The following CRCP variants were observed in gnomAD, a reference collection of about 807,000 sequenced individuals.
CRCP encodes the protein CGRP receptor component, also known as DNA-directed RNA polymerase III subunit RPC9.
Under a neutral mutation model 18.5 loss-of-function variants are expected in CRCP, and 18 were observed. The ratio of observed to expected loss-of-function variants is 0.97; its 90% CI spans 0.67 to 1.44. The LOEUF is 1.44. CRCP is among the 40% of genes most tolerant of loss of function. The pLI is 0.00. For missense variants in CRCP, 130 were observed against 176.4 expected (o/e 0.74, Z 1.49); for synonymous variants, 53 against 62.9 (o/e 0.84, Z 0.75).
intron 3 of CRCP, among the ~76,000 whole-genome samples, chr7:66,132,327 C>G (rs1238348181): frequency 6.6e-6 from 1 of 152,172 alleles, no homozygotes; most frequent in Non-Finnish European, 1.5e-5. Flanking sequence ...CAATCTATAT[C>G]CTTACTCTTC....
chr7:66,133,209 A>G (rs1257216534), intron 3 of CRCP, among the ~76,000 whole-genome samples: 1 of 151,874 alleles, frequency 6.6e-6, no homozygotes, highest in Non-Finnish European at 1.5e-5. Context: ...TGATTTAAAA[A>G]TTTTTCTCAT....
At chr7:66,146,803 T>C (rs1446246360) in intron 5 of CRCP, among the ~76,000 whole-genome samples, 1 of 152,172 alleles carries the variant, frequency 6.6e-6, no homozygotes, top group East Asian at 1.9e-4. Flanking sequence ...TTTCATGCTT[T>C]ACACTGTATT....
Position 66,134,315 on chromosome 7 carries a change from C to T in CRCP, c.180C>T (p.His60=). The change falls in exon 4 of 6, where the codon CAC becomes CAT. Residue 60 remains histidine (H), a synonymous_variant. Transcript: ENST00000395326. ...LKYISKTPCR[H]QSPEIVREFL... ...ACATATCAAAAACACCATGCAGGCA[C>T]CAGAGTCCTGAAATTGTCAGAGAAT... 6.2e-7 allele frequency: 1 copy of T among 1,609,948 alleles called. No individual in the cohort carries two copies.
chr7:66,128,541 C>G (rs1787686653), intron 2 of CRCP: 1 of 152,156 alleles, frequency 6.6e-6, no homozygotes, highest in African/African-American at 2.4e-5. Flanking sequence ...CCCATAATCC[C>G]AGCACTTTGG....
intron 1 of CRCP, among the ~76,000 whole-genome samples, chr7:66,119,143 T>G (rs1329468447): frequency 1.3e-5 from 2 of 152,186 alleles, no homozygotes; most frequent in Non-Finnish European, 2.9e-5. Flanking sequence ...AGTCTTAGTA[T>G]TAGATCACAC....
chr7:66,127,406 T>G (rs1230812860), intron 1 of CRCP, among the ~76,000 whole-genome samples: 1 of 152,176 alleles, frequency 6.6e-6, no homozygotes, highest in Non-Finnish European at 1.5e-5. Context: ...CCATTTCTGT[T>G]GATTCAGCAG....
chr7:66,150,182 G>A (rs991525577), intron 5 of CRCP, among the ~76,000 whole-genome samples: 1 of 151,478 alleles, frequency 6.6e-6, no homozygotes, highest in Non-Finnish European at 1.5e-5. Context: ...TTGGGAGGCC[G>A]AGGTGAGTGG....
At chr7:66,129,960 A>C (rs1377718129) in intron 2 of CRCP, among the ~76,000 whole-genome samples, 1 of 152,000 alleles carries the variant, frequency 6.6e-6, no homozygotes, top group African/African-American at 2.4e-5. Context: ...CCTTGTGGGA[A>C]AGTTTGCTTC....
chr7:66,131,348 A>G (rs964745108), intron 3 of CRCP, among the ~76,000 whole-genome samples: 3 of 152,176 alleles, frequency 2.0e-5, no homozygotes, highest in Admixed American at 2.0e-4. Context: ...GCCAGCTACA[A>G]AGTTAGAAGG....
chr7:66,127,257 G>T (rs1584070174), intron 1 of CRCP, among the ~76,000 whole-genome samples: 4 of 152,340 alleles, frequency 2.6e-5, no homozygotes, highest in Admixed American at 2.6e-4. Flanking sequence ...AGGGAACCAG[G>T]CTTTTGGCCA....
In CRCP at chr7:66,134,281, C is replaced by T. The variant is rs762847317; in HGVS notation, c.146C>T (p.Thr49Met). The T allele has an allele frequency of 4.0e-5, 63 of 1,560,238 alleles. No individual in the cohort carries two copies. Among genetic ancestry groups the T allele is most frequent in the South Asian group, 2.5e-4 (21 of 85,056 alleles). ...TTTCTTTTTTTTTTTTTTTGCCAGACGTTAAAATACATATCAAAAACACCA... is the reference window on the plus strand; with the variant it reads ...TTTCTTTTTTTTTTTTTTTGCCAGATGTTAAAATACATATCAAAAACACCA... ...QQNLNTITYETLKYISKTPCR... is the reference protein window; with the variant it reads ...QQNLNTITYEMLKYISKTPCR... The change falls in exon 4 of 6, where the codon ACG becomes ATG. Residue 49 changes from threonine to methionine, a missense_variant and splice_region_variant. Physicochemically the swap from Thr to Met is moderately conservative, Grantham distance 81. Coordinates refer to ENST00000395326, the MANE Select transcript of CRCP (RefSeq NM_014478.5).
intron 1 of CRCP, among the ~76,000 whole-genome samples, chr7:66,119,895 AT>A (rs956386920): frequency 6.6e-6 from 1 of 151,646 alleles, no homozygotes; most frequent in African/African-American, 2.4e-5. Context: ...TTTTCTTAAA[AT>A]TTTTTTTTGC....
chr7:66,135,556 A>G (rs985870764), intron 4 of CRCP, among the ~76,000 whole-genome samples: 58 of 152,252 alleles, frequency 3.8e-4, no homozygotes, highest in African/African-American at 1.3e-3. Flanking sequence ...GTTCTAGGGT[A>G]CATGTGCACA....
chr7:66,131,566 G>A (rs1046997738), intron 3 of CRCP, among the ~76,000 whole-genome samples: 2 of 151,432 alleles, frequency 1.3e-5, no homozygotes, highest in Non-Finnish European at 2.9e-5. Flanking sequence ...CCACTGCAGC[G>A]TCCCAAAGTG....
rs17138089 is a variant in CRCP, at chr7:66,114,851, A to G, written c.-112A>G. 0.04 allele frequency: 63,983 copies of G among 1,598,490 alleles called. 3,053 individuals carry two copies. The highest frequency in any genetic ancestry group is 0.28 in the East Asian group (12,372 of 44,300). On this transcript the variant is annotated 5_prime_UTR_variant, in exon 1 of 6. Transcript: ENST00000395326. ...GGCATGCAGCGCGGCGATCCCGGCG[A>G]GCACCTTGGCGCGCGGAGCTGGCAC...
At chr7:66,123,800 C>T (rs898019301) in intron 1 of CRCP, among the ~76,000 whole-genome samples, 1 of 150,716 alleles carries the variant, frequency 6.6e-6, no homozygotes, top group African/African-American at 2.4e-5. Flanking sequence ...GGCCTGTAAT[C>T]CCAGCACTTT....
intron 1 of CRCP, among the ~76,000 whole-genome samples, chr7:66,125,016 T>C (rs1787578825): frequency 6.7e-6 from 1 of 149,520 alleles, no homozygotes; most frequent in Non-Finnish European, 1.5e-5. Flanking sequence ...AGCTTCTTTT[T>C]GTGACATTGG....
At chr7:66,133,151 G>A (rs1787859120) in intron 3 of CRCP, among the ~76,000 whole-genome samples, 1 of 152,064 alleles carries the variant, frequency 6.6e-6, no homozygotes, top group Admixed American at 6.6e-5. Context: ...GCATTTATTG[G>A]TGGGTCTTTC....
At chr7:66,126,042 T>C (rs958752827) in intron 1 of CRCP, among the ~76,000 whole-genome samples, 1 of 149,556 alleles carries the variant, frequency 6.7e-6, no homozygotes, top group African/African-American at 2.4e-5. Context: ...CTTCCTGTGT[T>C]AGATTCCTTT....
Sources: allele counts gnomAD v4.1 joint callset (sites outside exome capture counted in the v4.1 genomes callset), GRCh38; gene constraint gnomAD v4.1.1; transcripts MANE v1.5; gene names NCBI Gene and HGNC (gene_info 2026-07-23, HGNC 2026-07-21).